Variants in ARHGAP24 observed in about 807,000 individuals in gnomAD.
The protein encoded by ARHGAP24 is Rho GTPase activating protein 24.
Under a neutral mutation model 76.4 loss-of-function variants are expected in ARHGAP24, and 50 were observed. That is an observed-to-expected ratio of 0.65 (90% CI 0.52 to 0.83). The LOEUF is 0.83. ARHGAP24 is among the 40% of genes least tolerant of loss of function. The pLI, the probability that ARHGAP24 is intolerant of heterozygous loss-of-function variation, is 0.00. For synonymous variants in ARHGAP24, 345 were observed against 323.3 expected (o/e 1.07, Z -0.72); for missense variants, 930 against 914.2 (o/e 1.02, Z -0.22).
rs1039310830 is a variant in ARHGAP24, at chr4:85,568,383, G to A, written c.-20-2139G>A. 2.0e-5 allele frequency among the ~76,000 whole-genome samples: 3 copies of A among 152,092 alleles called. No homozygotes were observed. In the South Asian group the frequency reaches 6.2e-4, roughly 32 times the overall value. ...CCCATTTAACTTTATAAATTAAGGTGTTTGGTCAAAGAATAAATAGGCAGT... is the reference window on the plus strand; with the variant it reads ...CCCATTTAACTTTATAAATTAAGGTATTTGGTCAAAGAATAAATAGGCAGT... On this transcript the variant is annotated intron_variant, in intron 1 of 9. Coordinates refer to ENST00000395184, the MANE Select transcript of ARHGAP24 (RefSeq NM_001025616.3).
rs535104995 is a variant in ARHGAP24 at position 86,000,842 on chromosome 4, A to T, written c.*120A>T. On this transcript the variant is annotated 3_prime_UTR_variant, in exon 10 of 10. Transcript: ENST00000395184. The stretch of plus-strand genomic sequence containing the variant: ...GTACAGAAGTCTAACTGGTGAAGGA[A>T]TATCATTTACAGACATTAAACATCC... 16 of 1,435,852 alleles carry T rather than the reference A, an allele frequency of 1.1e-5. No homozygotes were observed. The African/African-American group carries it at 2.0e-4, about 18-fold the overall frequency. 88.9% of individuals were successfully genotyped at this position (1,435,852 alleles called of 1,614,324 possible).
At chr4:85,931,018 A>G in intron 4 of ARHGAP24, 1 of 1,613,692 alleles carries the variant, frequency 6.2e-7, no homozygotes, top group Non-Finnish European at 8.5e-7. Flanking sequence ...CAGAAGAATC[A>G]AACGGTGTTT....
chr4:85,843,843 T>C (rs1159203053), intron 3 of ARHGAP24, among the ~76,000 whole-genome samples: 1 of 152,144 alleles, frequency 6.6e-6, no homozygotes, highest in Non-Finnish European at 1.5e-5. Flanking sequence ...CCACAGTATA[T>C]TATAAATGTT....
chr4:85,528,979 T>C (rs1326089264), intron 1 of ARHGAP24, among the ~76,000 whole-genome samples: 1 of 152,040 alleles, frequency 6.6e-6, no homozygotes, highest in African/African-American at 2.4e-5. Flanking sequence ...CTATCAAAGA[T>C]AGAGGTCAGT....
chr4:85,859,303 C>A (rs1338003362), intron 3 of ARHGAP24, among the ~76,000 whole-genome samples: 2 of 151,878 alleles, frequency 1.3e-5, no homozygotes, highest in African/African-American at 4.8e-5. Context: ...GCTACAGAAT[C>A]AGTTTCTCAG....
intron 2 of ARHGAP24, among the ~76,000 whole-genome samples, chr4:85,582,111 T>C (rs760350665): frequency 7.2e-5 from 11 of 152,152 alleles, no homozygotes; most frequent in Non-Finnish European, 1.3e-4. Flanking sequence ...CCTATGAAAT[T>C]TGCATTGCAA....
At chr4:85,548,923 C>G (rs1726020208) in intron 1 of ARHGAP24, among the ~76,000 whole-genome samples, 1 of 152,084 alleles carries the variant, frequency 6.6e-6, no homozygotes. Flanking sequence ...TGCAGTGACT[C>G]TTCTGTATCT....
intron 3 of ARHGAP24, among the ~76,000 whole-genome samples, chr4:85,741,036 A>G (rs1401952367): frequency 6.6e-6 from 1 of 152,238 alleles, no homozygotes; most frequent in East Asian, 1.9e-4. Flanking sequence ...TTACAAAGAA[A>G]TTGAAGCTTC....
intron 3 of ARHGAP24, among the ~76,000 whole-genome samples, chr4:85,774,485 A>C (rs1382615102): frequency 6.6e-6 from 1 of 152,148 alleles, no homozygotes; most frequent in Non-Finnish European, 1.5e-5. Context: ...AAAGGATAGA[A>C]TTAGCTCTAG....
rs144877022 is a variant in ARHGAP24, at chr4:85,687,420, C to G, written c.181-34465C>G. ...ATAGGTAGTTTTTTAATCCACAGCC[C>G]CTACTCTCTCCCCGCTTTAGTAGTT... On this transcript the variant is annotated intron_variant, in intron 2 of 9. Transcript: ENST00000395184. Among the ~76,000 whole-genome samples the G allele has an allele frequency of 5.4e-3, 815 of 152,110 alleles. 7 individuals carry two copies. The highest frequency in any genetic ancestry group is 0.019 in the African/African-American group (771 of 41,490).
At chr4:85,607,463 T>C (rs965109778) in intron 2 of ARHGAP24, among the ~76,000 whole-genome samples, 2 of 151,884 alleles carry the variant, frequency 1.3e-5, no homozygotes, top group Non-Finnish European at 2.9e-5. Flanking sequence ...ACTTCACTGG[T>C]ATCAGGTCAC....
intron 3 of ARHGAP24, among the ~76,000 whole-genome samples, chr4:85,896,342 G>C (rs961019600): frequency 1.3e-5 from 2 of 152,084 alleles, no homozygotes; most frequent in African/African-American, 2.4e-5. Context: ...CTTCTTCCCT[G>C]ATCTTGAATA....
At chr4:85,737,118 TTTTGTTTG>T (rs72444083) in intron 3 of ARHGAP24, among the ~76,000 whole-genome samples, 11 of 151,728 alleles carry the variant, frequency 7.2e-5, no homozygotes, top group South Asian at 2.1e-4. Flanking sequence ...AAAATAATGG[TTTTGTTTG>T]TTTGTTTGTT....
chr4:85,504,247 G>A (rs1723941387), intron 1 of ARHGAP24, among the ~76,000 whole-genome samples: 1 of 152,166 alleles, frequency 6.6e-6, no homozygotes, highest in African/African-American at 2.4e-5. Flanking sequence ...TTGGTGCAGA[G>A]CTGAGTTCAA....
chr4:85,920,380 C>G (rs2148808964), intron 3 of ARHGAP24, among the ~76,000 whole-genome samples: 1 of 152,184 alleles, frequency 6.6e-6, no homozygotes, highest in Middle Eastern at 3.4e-3. Flanking sequence ...AAAATCAACT[C>G]CAGATGGATT....
intron 2 of ARHGAP24, among the ~76,000 whole-genome samples, chr4:85,665,999 G>GT (rs1234773495): frequency 2.0e-5 from 3 of 152,144 alleles, no homozygotes; most frequent in Admixed American, 1.3e-4. Context: ...GTGTCTTGAA[G>GT]TTTCACTTCT....
chr4:85,974,013 T>G (rs962669393), intron 6 of ARHGAP24, among the ~76,000 whole-genome samples: 15 of 69,476 alleles, frequency 2.2e-4, no homozygotes, highest in African/African-American at 7.0e-4. Context: ...TGGCTAATTT[T>G]TTTTTTTTTT....
chr4:85,552,188 T>C (rs771806885), intron 1 of ARHGAP24, among the ~76,000 whole-genome samples: 1 of 152,202 alleles, frequency 6.6e-6, no homozygotes, highest in Non-Finnish European at 1.5e-5. Flanking sequence ...TTAACACTGC[T>C]TTAGCTGTTT....
At chr4:85,653,609 G>A (rs2109983659) in intron 2 of ARHGAP24, among the ~76,000 whole-genome samples, 1 of 152,152 alleles carries the variant, frequency 6.6e-6, no homozygotes, top group East Asian at 1.9e-4. Context: ...GAGTAGCTGG[G>A]ATTACAGGTG....
Sources: allele counts gnomAD v4.1 joint callset (sites outside exome capture counted in the v4.1 genomes callset), GRCh38; gene constraint gnomAD v4.1.1; transcripts MANE v1.5; gene names NCBI Gene and HGNC (gene_info 2026-07-23, HGNC 2026-07-21).